Variants in HCN1 observed in about 807,000 individuals in gnomAD.
HCN1 encodes the protein potassium/sodium hyperpolarization-activated cyclic nucleotide-gated channel 1.
A neutral mutation model predicts 78.9 loss-of-function variants in HCN1; 13 were observed. That is an observed-to-expected ratio of 0.16 (90% CI 0.11 to 0.26). The LOEUF is 0.26. Among genes scored for constraint, HCN1 ranks in the 10% least tolerant of loss-of-function variants. The pLI is 1.00. For missense variants in HCN1, 810 were observed against 1,154.3 expected (o/e 0.70, Z 4.32); for synonymous variants, 552 against 455.5 (o/e 1.21, Z -2.70).
At chr5:45,459,848 A>G (rs1358089872) in intron 3 of HCN1, among the ~76,000 whole-genome samples, 1 of 152,122 alleles carries the variant, frequency 6.6e-6, no homozygotes. Flanking sequence ...GTCAGTAGCC[A>G]GATTATAGAG....
At chr5:45,549,367 G>C (rs1743308166) in intron 2 of HCN1, among the ~76,000 whole-genome samples, 2 of 152,082 alleles carry the variant, frequency 1.3e-5, no homozygotes, top group African/African-American at 4.8e-5. Flanking sequence ...TCTGATCTTT[G>C]ACAAACCTGA....
intron 1 of HCN1, among the ~76,000 whole-genome samples, chr5:45,649,515 G>A (rs1745636309): frequency 6.6e-6 from 1 of 151,974 alleles, no homozygotes; most frequent in Admixed American, 6.6e-5. Context: ...ATATACACCA[G>A]TAGTTTCACT....
Position 45,259,121 on chromosome 5 carries a change from G to T in HCN1, c.*2800C>A, listed in dbSNP as rs1744679348. The T allele has an allele frequency of 6.6e-6, 1 of 151,864 alleles. No homozygotes were observed. The highest frequency in any genetic ancestry group is 1.5e-5 in the Non-Finnish European group (1 of 67,898). 9.4% of individuals were successfully genotyped at this position (151,864 alleles called of 1,614,324 possible). Reference sequence around the variant, plus strand: ...CATTCCAGAATTATAGAATATAATTGATTTTATGTGATTATCAAGTATAAG... The same window carrying T: ...CATTCCAGAATTATAGAATATAATTTATTTTATGTGATTATCAAGTATAAG... On this transcript the variant is annotated 3_prime_UTR_variant, in exon 8 of 8. Coordinates refer to ENST00000303230, the MANE Select transcript of HCN1 (RefSeq NM_021072.4).
chr5:45,283,846 G>T (rs1745216367), intron 6 of HCN1, among the ~76,000 whole-genome samples: 1 of 152,146 alleles, frequency 6.6e-6, no homozygotes, highest in Admixed American at 6.6e-5. Flanking sequence ...GCATGCGTAT[G>T]TTGATTGCAG....
intron 2 of HCN1, among the ~76,000 whole-genome samples, chr5:45,560,437 C>A (rs1329924649): frequency 1.3e-5 from 2 of 151,970 alleles, no homozygotes; most frequent in South Asian, 4.2e-4. Flanking sequence ...TTTCATAGCT[C>A]ATCATTATGT....
chr5:45,650,033 G>A (rs1181778372), intron 1 of HCN1, among the ~76,000 whole-genome samples: 1 of 152,012 alleles, frequency 6.6e-6, no homozygotes, highest in African/African-American at 2.4e-5. Context: ...TATTTGAGAT[G>A]TTTTTACATA....
intron 2 of HCN1, among the ~76,000 whole-genome samples, chr5:45,484,589 C>T (rs1741722116): frequency 6.6e-6 from 1 of 152,116 alleles, no homozygotes; most frequent in African/African-American, 2.4e-5. Context: ...CGGCAGTTAT[C>T]TTGTGAGTAT....
intron 2 of HCN1, among the ~76,000 whole-genome samples, chr5:45,640,838 T>C (rs1302515868): frequency 2.0e-5 from 3 of 148,674 alleles, no homozygotes; most frequent in African/African-American, 5.0e-5. Context: ...GCCTTAACTA[T>C]GATTTTTAAA....
chr5:45,348,331 C>T lies in HCN1; in HGVS notation c.1377+4769G>A, dbSNP rs113072591. ...AAGCAAATGCTGAGAGATTTTGTCACCAGCAGGCCTGCCCTAAAAGAGCTC... is the reference window on the plus strand; with the variant it reads ...AAGCAAATGCTGAGAGATTTTGTCATCAGCAGGCCTGCCCTAAAAGAGCTC... On this transcript the variant is annotated intron_variant, in intron 5 of 7. Transcript: ENST00000303230. 1.3e-3 allele frequency among the ~76,000 whole-genome samples: 195 copies of T among 152,214 alleles called. 1 individual carries two copies. Among genetic ancestry groups the T allele is most frequent in the African/African-American group, 4.5e-3 (188 of 41,524 alleles).
At chr5:45,280,204 T>C (rs1170841654) in intron 6 of HCN1, among the ~76,000 whole-genome samples, 1 of 152,186 alleles carries the variant, frequency 6.6e-6, no homozygotes, top group Non-Finnish European at 1.5e-5. Flanking sequence ...TATCAAGCTG[T>C]ATATTTACTT....
chr5:45,676,441 T>C lies in HCN1; in HGVS notation c.425+19228A>G, dbSNP rs1290870693. Among the ~76,000 whole-genome samples the C allele has an allele frequency of 4.6e-5, 7 of 151,928 alleles. No homozygotes were observed. The East Asian group carries it at 1.4e-3, about 29-fold the overall frequency. ...AATTATACTATTAAAATATTTTTTA[T>C]TTGTATTTCTGTACAAGAAAATCAG... is the stretch of plus-strand genomic sequence containing the variant. On this transcript the variant is annotated intron_variant, in intron 1 of 7. Coordinates refer to ENST00000303230, the MANE Select transcript of HCN1 (RefSeq NM_021072.4).
At chr5:45,396,759 A>T (rs1739696134) in intron 3 of HCN1, 49 bp from the exon 4 acceptor site, 1 of 1,411,754 alleles carries the variant, frequency 7.1e-7, no homozygotes, top group Admixed American at 1.7e-5. Context: ...AGGATGGCAG[A>T]ATGAAAAGTG....
In HCN1 at chr5:45,284,270, G is replaced by T. The variant is rs1283779345; in HGVS notation, c.1619-17017C>A. ...ACTTATGTAACAAACCTGCACAGGT[G>T]CCCCTGAAATGAAAATAAAAGTTAA... On this transcript the variant is annotated intron_variant, in intron 6 of 7. Transcript: ENST00000303230. Among the ~76,000 whole-genome samples, 3 of 151,970 alleles carry T rather than the reference G, an allele frequency of 2.0e-5. No individual in the cohort carries two copies. In the East Asian group the frequency reaches 5.8e-4, roughly 29 times the overall value.
intron 2 of HCN1, among the ~76,000 whole-genome samples, chr5:45,544,005 T>A (rs189206646): frequency 6.6e-6 from 1 of 152,190 alleles, no homozygotes; most frequent in African/African-American, 2.4e-5. Context: ...AGATTAAATA[T>A]GTATGGCTAC....
chr5:45,549,691 A>G (rs1216315061), intron 2 of HCN1, among the ~76,000 whole-genome samples: 1 of 152,132 alleles, frequency 6.6e-6, no homozygotes, highest in Non-Finnish European at 1.5e-5. Flanking sequence ...AAAAGAAACT[A>G]CCATCAGAGT....
chr5:45,676,844 G>A (rs1012185131), intron 1 of HCN1, among the ~76,000 whole-genome samples: 1 of 151,650 alleles, frequency 6.6e-6, no homozygotes, highest in Non-Finnish European at 1.5e-5. Flanking sequence ...AGAAGAAATG[G>A]ACATGCAGTA....
At chr5:45,342,874 C>A (rs972478647) in intron 5 of HCN1, among the ~76,000 whole-genome samples, 5 of 151,900 alleles carry the variant, frequency 3.3e-5, no homozygotes, top group Admixed American at 2.6e-4. Flanking sequence ...ACATAGGGGA[C>A]TTTCAAGACA....
chr5:45,504,817 T>C (rs1490500760), intron 2 of HCN1, among the ~76,000 whole-genome samples: 2 of 152,192 alleles, frequency 1.3e-5, no homozygotes, highest in African/African-American at 4.8e-5. Context: ...TGGTATCTCA[T>C]TGTGGTTTTG....
At chr5:45,581,655 T>C (rs1035384544) in intron 2 of HCN1, among the ~76,000 whole-genome samples, 1 of 152,182 alleles carries the variant, frequency 6.6e-6, no homozygotes, top group African/African-American at 2.4e-5. Context: ...TGGTATTAGG[T>C]CTAACATTTA....
Sources: gnomAD v4.1 joint callset for allele counts (sites outside exome capture counted in the v4.1 genomes callset) on GRCh38, gnomAD v4.1.1 for gene constraint, MANE v1.5 for transcripts, NCBI Gene and HGNC (gene_info 2026-07-23, HGNC 2026-07-21) for gene names.